Variants in CYFIP2 observed in about 807,000 individuals in gnomAD.
CYFIP2 encodes the protein cytoplasmic FMR1-interacting protein 2.
A neutral mutation model predicts 158.7 loss-of-function variants in CYFIP2; 29 were observed. The observed-to-expected ratio is 0.18, with a 90% confidence interval of 0.14 to 0.25. CYFIP2 has a LOEUF of 0.25. Ranked by LOEUF, CYFIP2 falls within the 10% of genes least tolerant of loss-of-function variation. The pLI is 1.00. For missense variants in CYFIP2, 852 were observed against 1,639.5 expected (o/e 0.52, Z 8.29); for synonymous variants, 585 against 617.6 (o/e 0.95, Z 0.78).
At chr5:157,378,644 C>T (rs568252816) in intron 26 of CYFIP2, among the ~76,000 whole-genome samples, 72 of 152,232 alleles carry the variant, frequency 4.7e-4, no homozygotes, top group African/African-American at 1.1e-3. Flanking sequence ...CATCTGTGTG[C>T]GGACCTAGTT....
At chr5:157,278,860 A>T (rs1297418390) in intron 1 of CYFIP2, among the ~76,000 whole-genome samples, 4 of 152,158 alleles carry the variant, frequency 2.6e-5, no homozygotes, top group African/African-American at 7.2e-5. Flanking sequence ...GCTAAATGCC[A>T]CTCTCTACCT....
chr5:157,277,850 A>G (rs1756686665), intron 1 of CYFIP2, among the ~76,000 whole-genome samples: 1 of 152,194 alleles, frequency 6.6e-6, no homozygotes, highest in Non-Finnish European at 1.5e-5. Context: ...GTGCATTTAC[A>G]CAAACCTGGA....
rs1225200323 is a variant in CYFIP2, at chr5:157,324,177, GACCCTAAGGGGCACATATC to G, written c.1825+107_1825+125del. The stretch of plus-strand genomic sequence containing the variant: ...GGCATTGCAAAGGGACGTGACCGTT[GACCCTAAGGGGCACATATC>G]ACCACCAAGGAAAAAACACATACAC... On this transcript the variant is annotated intron_variant, in intron 16 of 30. Transcript: ENST00000620254. 11 of 1,324,824 alleles carry G rather than the reference GACCCTAAGGGGCACATATC, an allele frequency of 8.3e-6. No individual in the cohort carries two copies. In the Admixed American group the frequency reaches 2.4e-4, roughly 28 times the overall value. 82.1% of individuals were successfully genotyped at this position (1,324,824 alleles called of 1,614,324 possible).
intron 23 of CYFIP2, among the ~76,000 whole-genome samples, chr5:157,344,335 C>T (rs954032328): frequency 3.9e-5 from 6 of 152,132 alleles, no homozygotes; most frequent in African/African-American, 1.4e-4. Context: ...AATTAATTTC[C>T]TTTATTCTTC....
chr5:157,364,212 GGT>G (rs2113387814), intron 26 of CYFIP2: 3 of 141,932 alleles, frequency 2.1e-5, no homozygotes, highest in African/African-American at 5.3e-5. Flanking sequence ...GGCGGGGGGG[GGT>G]GGGTCCCTGA....
At chr5:157,362,257 A>G (rs1347990440) in intron 26 of CYFIP2, among the ~76,000 whole-genome samples, 2 of 152,248 alleles carry the variant, frequency 1.3e-5, no homozygotes, top group Non-Finnish European at 1.5e-5. Context: ...AGTTTAGAAC[A>G]AAGAACTGGA....
In CYFIP2 at chr5:157,328,560, A is replaced by G. The variant is rs544504527; in HGVS notation, c.2156+511A>G. Among the ~76,000 whole-genome samples the G allele has an allele frequency of 4.6e-5, 7 of 152,284 alleles. No homozygotes were observed. The East Asian group carries it at 1.2e-3, about 25-fold the overall frequency. ...CAGGGCTGTGGGAGGATTCCTGTGGATTAATACATGTCAGTGTCTCTTCAC... is the reference window on the plus strand; with the variant it reads ...CAGGGCTGTGGGAGGATTCCTGTGGGTTAATACATGTCAGTGTCTCTTCAC... On this transcript the variant is annotated intron_variant, in intron 19 of 30. Transcript: ENST00000620254.
intron 26 of CYFIP2, chr5:157,377,060 C>A: frequency 3.0e-6 from 1 of 331,990 alleles, no homozygotes. Context: ...CTGGCCTCTG[C>A]TCACTTCCTT....
chr5:157,327,768 T>C (rs550840385), intron 18 of CYFIP2, among the ~76,000 whole-genome samples: 1 of 152,270 alleles, frequency 6.6e-6, no homozygotes, highest in South Asian at 2.1e-4. Context: ...TTTTGAACTT[T>C]GACTTGTCTG....
intron 3 of CYFIP2, among the ~76,000 whole-genome samples, chr5:157,290,654 G>A (rs965062108): frequency 6.6e-6 from 1 of 152,260 alleles, no homozygotes; most frequent in Admixed American, 6.5e-5. Flanking sequence ...CAGGGAGAGT[G>A]TTGATGTGGC....
Position 157,319,882 on chromosome 5 carries a change from G to A in CYFIP2, c.1477G>A (p.Glu493Lys). 6.2e-7 allele frequency: 1 copy of A among 1,614,072 alleles called. No homozygotes were observed. The highest frequency in any genetic ancestry group is 8.5e-7 in the Non-Finnish European group (1 of 1,179,894). The change falls in exon 14 of 31, where the codon GAG becomes AAG. Residue 493 changes from glutamate (E) to lysine (K), a missense_variant. Around this residue, in one of 8 missense-constraint regions of CYFIP2, gnomAD observed 167 missense variants for 343.3 expected, o/e 0.49. Coordinates refer to ENST00000620254, the MANE Select transcript of CYFIP2 (RefSeq NM_001037333.3). The part of the protein sequence containing the change: ...LQDFAQVTLR[E>K]PLRQAVRKKK... ...GGACTTCGCCCAGGTGACGCTGCGT[G>A]AGCCCCTGCGGCAGGCGGTACGGAA...
At chr5:157,360,465 G>GCTCACTGGCATGT in intron 25 of CYFIP2, 93 bp downstream of exon 25, 2 of 1,062,434 alleles carry the variant, frequency 1.9e-6, no homozygotes, top group Non-Finnish European at 2.8e-6. Flanking sequence ...TAACATGCCA[G>GCTCACTGGCATGT]TGAGCTGGCA....
At chr5:157,326,736 C>T (rs142918983) in intron 18 of CYFIP2, among the ~76,000 whole-genome samples, 136 of 152,324 alleles carry the variant, frequency 8.9e-4, no homozygotes, top group African/African-American at 3.1e-3. Context: ...TGAGTGCACA[C>T]GCCCACCTTG....
At chr5:157,279,119 A>T (rs1401185781) in intron 1 of CYFIP2, among the ~76,000 whole-genome samples, 1 of 152,222 alleles carries the variant, frequency 6.6e-6, no homozygotes, top group Non-Finnish European at 1.5e-5. Flanking sequence ...TTGTCTTTTG[A>T]CATGTCTTTG....
chr5:157,365,446 TATAA>T (rs1452411124), intron 26 of CYFIP2: 2 of 152,204 alleles, frequency 1.3e-5, no homozygotes, highest in Non-Finnish European at 1.5e-5. Context: ...AGTAGGTGCT[TATAA>T]ATATTTCTCA....
chr5:157,374,792 G>A (rs1450230399), intron 26 of CYFIP2, among the ~76,000 whole-genome samples: 3 of 152,164 alleles, frequency 2.0e-5, no homozygotes, highest in South Asian at 2.1e-4. Context: ...ATTAAATTGC[G>A]AACTTAATTC....
intron 23 of CYFIP2, among the ~76,000 whole-genome samples, chr5:157,355,049 A>T (rs1269386290): frequency 6.6e-6 from 1 of 152,074 alleles, no homozygotes; most frequent in African/African-American, 2.4e-5. Flanking sequence ...GGGACCCCTT[A>T]TAACAACCCT....
chr5:157,317,591 AAT>A (rs1473813593), intron 13 of CYFIP2, among the ~76,000 whole-genome samples: 1 of 152,146 alleles, frequency 6.6e-6, no homozygotes, highest in African/African-American at 2.4e-5. Flanking sequence ...CCATCGTGGT[AAT>A]TTTACACTTT....
Position 157,330,274 on chromosome 5 carries a change from GTGTGTGTGTGTT to G in CYFIP2, c.2157-462_2157-451del, listed in dbSNP as rs1345928937. Among the ~76,000 whole-genome samples the G allele has an allele frequency of 6.8e-5, 9 of 133,238 alleles. No individual in the cohort carries two copies. The East Asian group carries it at 1.7e-3, about 25-fold the overall frequency. The allele number at this position is 133,238 out of a possible 152,430, so 87.4% of individuals were successfully genotyped here. A position where few individuals can be genotyped will look rare whatever the true frequency, so the allele number is the denominator to read the frequency against. On this transcript the variant is annotated intron_variant, in intron 19 of 30. Coordinates refer to ENST00000620254, the MANE Select transcript of CYFIP2 (RefSeq NM_001037333.3). ...TGTGTGTGTGTGTGTGTGTGTGTGT[GTGTGTGTGTGTT>G]TGTGTTTAAAGTGCCTGGGAAATAA...
Sources: allele counts gnomAD v4.1 joint callset (sites outside exome capture counted in the v4.1 genomes callset), GRCh38; gene constraint gnomAD v4.1.1; regional missense constraint gnomAD v4.1.1; transcripts MANE v1.5; gene names NCBI Gene and HGNC (gene_info 2026-07-23, HGNC 2026-07-21).